Variants in TMEM255B observed in about 807,000 individuals in gnomAD.
TMEM255B encodes the protein family with sequence similarity 70, member B.
In TMEM255B, 35 loss-of-function variants were observed where a neutral mutation model predicts 34.5. The observed-to-expected ratio is 1.01, with a 90% CI of 0.77 to 1.34. The LOEUF (loss-of-function observed/expected upper bound fraction) is 1.34, where lower values mean the gene tolerates loss of function less well. TMEM255B is among the 40% of genes most tolerant of loss of function. The pLI is 0.00. For synonymous variants in TMEM255B, 206 were observed against 201.2 expected, an observed-to-expected ratio of 1.02 and a Z score of -0.20; for missense variants, 432 against 433.2, an observed-to-expected ratio of 1.00 and a Z score of 0.02.
At chr13:113,799,874 G>A (rs564485966) in intron 5 of TMEM255B, 137 of 1,020,978 alleles carry the variant, frequency 1.3e-4, no homozygotes, top group African/African-American at 7.7e-4. Context: ...CGCCAGGACC[G>A]TCGGAGGGCA....
intron 5 of TMEM255B, chr13:113,799,659 G>C (rs1483219914): frequency 3.1e-6 from 2 of 648,760 alleles, no homozygotes; most frequent in South Asian, 1.8e-5. Flanking sequence ...AACAGTCTCA[G>C]AGTGCACGTG....
At position 113,799,563 on chromosome 13, in the gene TMEM255B, A is replaced by C. The variant is rs1351484136; in HGVS notation, c.423+144A>C. 5 of 723,280 alleles carry C rather than the reference A, an allele frequency of 6.9e-6. No individual in the cohort carries two copies. The African/African-American group carries it at 7.1e-5, about 10-fold the overall frequency. The allele number at this position is 723,280 out of a possible 1,614,324, so 44.8% of individuals were successfully genotyped here. On this transcript the variant is annotated intron_variant, in intron 5 of 8. Transcript: ENST00000375353. ...CACCCCTGCAGCTGGTGAACCGTTG[A>C]TGCCCCCTGTGTTTGGGACCTTGAC...
intron 5 of TMEM255B, chr13:113,800,208 CGGGAGGCATGCCATGTGTGTATGTGGGG>C (rs2051022894): frequency 2.6e-5 from 1 of 38,064 alleles, no homozygotes; most frequent in African/African-American, 1.7e-4. Context: ...GGGGGGTAGG[CGGGAGGCATGCCATGTGTGTATGTGGGG>C]GGGAGGCATC....
chr13:113,805,007 G>T lies in TMEM255B; in HGVS notation c.792G>T (p.Ser264=), dbSNP rs181424348. Residue 264 remains serine, a synonymous_variant, in exon 8 of 9, where the codon TCG becomes TCT. Coordinates refer to ENST00000375353, the MANE Select transcript of TMEM255B (RefSeq NM_182614.4). ...CGCCCGAGCCCGTCCCGACCTGCTC[G>T]TCCTACCCTCTGCCCCTTCAGGTAG... ...RLTPEPVPTC[S]SYPLPLQPCS... is the part of the protein sequence containing the mutation. 4 of 1,604,422 alleles carry T rather than the reference G, an allele frequency of 2.5e-6. No homozygotes were observed. The highest frequency in any genetic ancestry group is 3.4e-5 in the Admixed American group (2 of 59,550).
At chr13:113,801,562 C>T (rs1486086907) in intron 6 of TMEM255B, 91 bp from the exon 7 acceptor site, 8 of 1,423,898 alleles carry the variant, frequency 5.6e-6, no homozygotes, top group Non-Finnish European at 7.5e-6. Flanking sequence ...CCTCCCCCAG[C>T]CCTGCAGGGC....
chr13:113,801,472 C>T (rs760693053), intron 6 of TMEM255B, among the ~76,000 whole-genome samples, 181 bp from the exon 7 acceptor site: 1 of 152,248 alleles, frequency 6.6e-6, no homozygotes, highest in Non-Finnish European at 1.5e-5. Flanking sequence ...GGGAGCCTCA[C>T]AGGCCAATCC....
intron 8 of TMEM255B, among the ~76,000 whole-genome samples, chr13:113,811,027 G>A (rs2051286815): frequency 6.6e-6 from 1 of 152,130 alleles, no homozygotes; most frequent in South Asian, 2.1e-4. Flanking sequence ...CCTTCCTGGG[G>A]CGTCCACCCC....
chr13:113,803,457 G>C (rs555738410), intron 7 of TMEM255B: 1 of 148,372 alleles, frequency 6.7e-6, no homozygotes, highest in East Asian at 1.9e-4. Context: ...TGATGGGTGC[G>C]TGGGAGGCAC....
chr13:113,766,577 C>T (rs377585163), intron 2 of TMEM255B: 31 of 409,740 alleles, frequency 7.6e-5, no homozygotes, highest in Middle Eastern at 6.0e-4. Context: ...GGCCAGAGCC[C>T]GGCAACAGGA....
In TMEM255B at chr13:113,812,448, A is replaced by G. The variant is rs9577876; in HGVS notation, c.*545A>G. The G allele has an allele frequency of 0.091, 13,857 of 153,042 alleles. 748 individuals carry two copies. The highest frequency in any genetic ancestry group is 0.14 in the Admixed American group (2,226 of 15,414). The allele number at this position is 153,042 out of a possible 1,614,324, so 9.5% of individuals were successfully genotyped here. Reference sequence around the variant, plus strand: ...AACCGCCTGTGAGTTGTTAGAATCCAGGGGCCCGGTTGTCTTTCCCAGCCC... The same window carrying G: ...AACCGCCTGTGAGTTGTTAGAATCCGGGGGCCCGGTTGTCTTTCCCAGCCC... On this transcript the variant is annotated 3_prime_UTR_variant, in exon 9 of 9. Transcript: ENST00000375353.
intron 3 of TMEM255B, among the ~76,000 whole-genome samples, chr13:113,790,597 C>T (rs909284699): frequency 6.9e-5 from 10 of 145,522 alleles, no homozygotes; most frequent in Non-Finnish European, 1.0e-4. Flanking sequence ...TGACCGGACA[C>T]GTAGACATCC....
intron 3 of TMEM255B, among the ~76,000 whole-genome samples, chr13:113,792,284 G>T (rs2050845295): frequency 6.6e-6 from 1 of 152,256 alleles, no homozygotes; most frequent in Non-Finnish European, 1.5e-5. Flanking sequence ...TTATGCAGCA[G>T]TTTCATCAGG....
rs142697494 is a variant in TMEM255B, at chr13:113,766,682, G to C, written c.189+425G>C. Among the ~76,000 whole-genome samples the C allele has an allele frequency of 1.6e-3, 247 of 152,310 alleles. 1 individual carries two copies. Among genetic ancestry groups the C allele is most frequent in the African/African-American group, 5.5e-3 (227 of 41,554 alleles). On this transcript the variant is annotated intron_variant, in intron 2 of 8. Coordinates refer to ENST00000375353, the MANE Select transcript of TMEM255B (RefSeq NM_182614.4). ...ATCCTGGAAGGATTTTACCCTGAGG[G>C]ACCAGGTCGACCACCATAGCCCATG...
At chr13:113,773,892 T>C (rs2138531061) in intron 3 of TMEM255B, among the ~76,000 whole-genome samples, 1 of 152,310 alleles carries the variant, frequency 6.6e-6, no homozygotes, top group Admixed American at 6.5e-5. Context: ...TGCATAGATG[T>C]CAGAACATTC....
At chr13:113,793,275 C>T (rs1402048194) in intron 3 of TMEM255B, among the ~76,000 whole-genome samples, 1 of 152,254 alleles carries the variant, frequency 6.6e-6, no homozygotes, top group African/African-American at 2.4e-5. Flanking sequence ...TGCTAACTGC[C>T]CGGACTTTGT....
chr13:113,790,854 G>A (rs937052338), intron 3 of TMEM255B, among the ~76,000 whole-genome samples: 2 of 151,972 alleles, frequency 1.3e-5, no homozygotes, highest in African/African-American at 2.4e-5. Flanking sequence ...GACCGGACAC[G>A]TAGACATCCT....
At chr13:113,808,326 C>T (rs1054715629) in intron 8 of TMEM255B, among the ~76,000 whole-genome samples, 5 of 152,258 alleles carry the variant, frequency 3.3e-5, no homozygotes, top group South Asian at 2.1e-4. Context: ...CAGGGGAGGA[C>T]GTGGCATCAC....
intron 1 of TMEM255B, chr13:113,761,405 GA>G (rs1334695012): frequency 1.0e-6 from 1 of 982,202 alleles, no homozygotes; most frequent in African/African-American, 1.7e-5. Context: ...TAAGGCTGGG[GA>G]AGGAGCCAGG....
At chr13:113,762,812 C>T (rs972652159) in intron 1 of TMEM255B, among the ~76,000 whole-genome samples, 18 of 152,186 alleles carry the variant, frequency 1.2e-4, no homozygotes, top group African/African-American at 4.3e-4. Context: ...AAGGTTCTAC[C>T]TGTGGGTCGA....
Sources: gnomAD v4.1 joint callset for allele counts (sites outside exome capture counted in the v4.1 genomes callset) on GRCh38, gnomAD v4.1.1 for gene constraint, MANE v1.5 for transcripts, NCBI Gene and HGNC (gene_info 2026-07-23, HGNC 2026-07-21) for gene names.